Variants in DGKB observed in about 807,000 individuals in gnomAD.
DGKB encodes the protein diacylglycerol kinase beta.
Under a neutral mutation model 114.3 loss-of-function variants are expected in DGKB, and 67 were observed. The ratio of observed to expected loss-of-function variants is 0.59; its 90% CI spans 0.48 to 0.72. The LOEUF (loss-of-function observed/expected upper bound fraction) is 0.72, where lower values mean the gene tolerates loss of function less well. DGKB is among the 30% of genes least tolerant of loss of function. The pLI is 0.00. For synonymous variants in DGKB, 398 were observed against 323.1 expected (o/e 1.23, Z -2.49); for missense variants, 907 against 975.2 (o/e 0.93, Z 0.93).
chr7:14,259,606 T>C (rs1218467694), intron 23 of DGKB, among the ~76,000 whole-genome samples: 2 of 152,170 alleles, frequency 1.3e-5, no homozygotes, highest in East Asian at 1.9e-4. Flanking sequence ...TTTGTATTTT[T>C]AGTAGAGACG....
intron 21 of DGKB, among the ~76,000 whole-genome samples, chr7:14,396,607 T>A (rs1268188096): frequency 6.6e-6 from 1 of 152,166 alleles, no homozygotes; most frequent in Non-Finnish European, 1.5e-5. Flanking sequence ...TCAAAAAGCA[T>A]GATATTCAAC....
intron 1 of DGKB, among the ~76,000 whole-genome samples, chr7:14,962,566 T>A (rs576178936): frequency 6.6e-6 from 1 of 152,234 alleles, no homozygotes; most frequent in African/African-American, 2.4e-5. Context: ...TATCTACCTG[T>A]GCTTTCACAT....
chr7:14,704,894 C>T (rs1825916827), intron 6 of DGKB, among the ~76,000 whole-genome samples: 1 of 152,116 alleles, frequency 6.6e-6, no homozygotes, highest in Admixed American at 6.6e-5. Context: ...AAACTGGAAG[C>T]TCTAAAAATC....
intron 5 of DGKB, among the ~76,000 whole-genome samples, chr7:14,734,045 G>GTC (rs1162856512): frequency 6.6e-6 from 1 of 151,678 alleles, no homozygotes; most frequent in African/African-American, 2.4e-5. Context: ...GTGTGTGTGT[G>GTC]TGGTGTGTGA....
At chr7:14,925,251 G>T (rs1205434107) in intron 1 of DGKB, among the ~76,000 whole-genome samples, 1 of 152,120 alleles carries the variant, frequency 6.6e-6, no homozygotes, top group African/African-American at 2.4e-5. Flanking sequence ...AAAAGTTTTT[G>T]TGTGAACATG....
At chr7:14,221,885 T>C (rs1790035454) in intron 23 of DGKB, among the ~76,000 whole-genome samples, 1 of 151,390 alleles carries the variant, frequency 6.6e-6, no homozygotes. Flanking sequence ...TCAGTTTCAG[T>C]AGTTTGTGTC....
chr7:14,783,512 T>A (rs1839422387), intron 2 of DGKB, among the ~76,000 whole-genome samples: 1 of 152,214 alleles, frequency 6.6e-6, no homozygotes, highest in Non-Finnish European at 1.5e-5. Flanking sequence ...TTGAAGCCAT[T>A]TCATCCTGCT....
chr7:14,217,405 G>C (rs1385600492), intron 23 of DGKB, among the ~76,000 whole-genome samples: 1 of 151,708 alleles, frequency 6.6e-6, no homozygotes, highest in African/African-American at 2.4e-5. Flanking sequence ...TATTCCAGTT[G>C]CAATCTGTAT....
intron 13 of DGKB, among the ~76,000 whole-genome samples, chr7:14,647,015 C>G (rs4721356): frequency 6.6e-6 from 1 of 151,514 alleles, no homozygotes; most frequent in Non-Finnish European, 1.5e-5. Flanking sequence ...AAATTACAAA[C>G]AGTCAACAAA....
At chr7:14,277,823 T>G (rs1562815555) in intron 23 of DGKB, among the ~76,000 whole-genome samples, 1 of 152,368 alleles carries the variant, frequency 6.6e-6, no homozygotes, top group South Asian at 2.1e-4. Context: ...GTTCTATTTT[T>G]ATTTTTTTGA....
At chr7:14,876,234 C>A (rs1458831437) in intron 1 of DGKB, among the ~76,000 whole-genome samples, 3 of 152,110 alleles carry the variant, frequency 2.0e-5, no homozygotes, top group Admixed American at 1.3e-4. Flanking sequence ...AAAGTTACTA[C>A]CCCTTTTAAA....
intron 2 of DGKB, among the ~76,000 whole-genome samples, chr7:14,791,990 G>C (rs903420855): frequency 6.6e-6 from 1 of 152,060 alleles, no homozygotes; most frequent in African/African-American, 2.4e-5. Context: ...ATGAATTGCT[G>C]AGTATTCCCT....
chr7:14,565,848 G>C (rs887807526), intron 20 of DGKB, among the ~76,000 whole-genome samples: 1 of 151,968 alleles, frequency 6.6e-6, no homozygotes, highest in African/African-American at 2.4e-5. Flanking sequence ...GTGACCACCA[G>C]AATGATTTTT....
intron 20 of DGKB, among the ~76,000 whole-genome samples, chr7:14,494,531 T>C (rs1202196520): frequency 2.0e-5 from 3 of 151,900 alleles, no homozygotes; most frequent in Non-Finnish European, 4.4e-5. Flanking sequence ...ATAAGCAGTA[T>C]TTATGGGTTA....
At chr7:14,658,178 T>C (rs751602000) in intron 13 of DGKB, among the ~76,000 whole-genome samples, 27 of 151,894 alleles carry the variant, frequency 1.8e-4, no homozygotes, top group Non-Finnish European at 2.8e-4. Context: ...CGTAGATTGC[T>C]GCTTCAGCAA....
At position 14,314,691 on chromosome 7, in the gene DGKB, A is replaced by C. The variant is rs562833106; in HGVS notation, c.2122+23824T>G. On this transcript the variant is annotated intron_variant, in intron 23 of 25. Transcript: ENST00000402815. Reference sequence around the variant, plus strand: ...TGAAAGTGATGGGGAGAATGGAACCAAGTTGGAAAACACTCTGCAGGATAT... The same window carrying C: ...TGAAAGTGATGGGGAGAATGGAACCCAGTTGGAAAACACTCTGCAGGATAT... Among the ~76,000 whole-genome samples, 7 of 152,152 alleles carry C rather than the reference A, an allele frequency of 4.6e-5. No individual in the cohort carries two copies. In the East Asian group the frequency reaches 5.8e-4, roughly 13 times the overall value.
At chr7:14,156,693 C>T (rs182880842) in intron 25 of DGKB, among the ~76,000 whole-genome samples, 256 of 152,108 alleles carry the variant, frequency 1.7e-3, no homozygotes, top group African/African-American at 5.6e-3. Flanking sequence ...AAATTAAATT[C>T]AGAATTATGA....
intron 5 of DGKB, among the ~76,000 whole-genome samples, chr7:14,722,345 C>G (rs1381603018): frequency 6.6e-6 from 1 of 152,156 alleles, no homozygotes; most frequent in East Asian, 1.9e-4. Context: ...TGAAATCATA[C>G]AGACTGGCTA....
chr7:14,860,333 C>T (rs908644345), intron 1 of DGKB, among the ~76,000 whole-genome samples: 1 of 151,928 alleles, frequency 6.6e-6, no homozygotes. Flanking sequence ...CATCACCTGC[C>T]TTGTAACATA....
Sources: allele counts gnomAD v4.1 joint callset (sites outside exome capture counted in the v4.1 genomes callset), GRCh38; gene constraint gnomAD v4.1.1; transcripts MANE v1.5; gene names NCBI Gene and HGNC (gene_info 2026-07-23, HGNC 2026-07-21).